Variants in PLCL1 observed in about 807,000 individuals in gnomAD.
PLCL1 encodes the protein phospholipase C like 1 (inactive).
In PLCL1, 41 loss-of-function variants were observed where a neutral mutation model predicts 84.4. That is an observed-to-expected ratio of 0.49 (90% CI 0.38 to 0.63). The LOEUF (loss-of-function observed/expected upper bound fraction) is 0.63. Ranked by LOEUF, PLCL1 falls within the 30% of genes least tolerant of loss-of-function variation. The pLI, the probability that PLCL1 is intolerant of heterozygous loss-of-function variation, is 0.00. For synonymous variants in PLCL1, 490 were observed against 488.3 expected, an observed-to-expected ratio of 1.00 and a Z score of -0.05; for missense variants, 1,206 against 1,367.8, an observed-to-expected ratio of 0.88 and a Z score of 1.87.
At chr2:198,100,139 A>T (rs2105911165) in intron 3 of PLCL1, among the ~76,000 whole-genome samples, 1 of 152,224 alleles carries the variant, frequency 6.6e-6, no homozygotes, top group East Asian at 1.9e-4. Flanking sequence ...GAGAGAAGAA[A>T]TAAGTATCAC....
At chr2:197,858,118 G>C (rs1337271145) in intron 1 of PLCL1, among the ~76,000 whole-genome samples, 1 of 152,106 alleles carries the variant, frequency 6.6e-6, no homozygotes, top group Non-Finnish European at 1.5e-5. Flanking sequence ...TATAAAACTT[G>C]GTGTGGAGTA....
chr2:198,108,650 G>C (rs1426406192), intron 5 of PLCL1, among the ~76,000 whole-genome samples: 1 of 151,884 alleles, frequency 6.6e-6, no homozygotes, highest in African/African-American at 2.4e-5. Context: ...ACAATATAAT[G>C]AATAAGAATT....
intron 3 of PLCL1, among the ~76,000 whole-genome samples, chr2:198,099,324 T>C (rs1693276386): frequency 6.6e-6 from 1 of 152,106 alleles, no homozygotes; most frequent in East Asian, 1.9e-4. Context: ...TTTTTCTCCC[T>C]GACAACTTAG....
At chr2:198,140,937 A>G (rs1368566926) in intron 5 of PLCL1, among the ~76,000 whole-genome samples, 1 of 152,168 alleles carries the variant, frequency 6.6e-6, no homozygotes, top group African/African-American at 2.4e-5. Flanking sequence ...AATTAACTTT[A>G]TATACAGTTA....
At chr2:197,832,052 G>A (rs894424026) in intron 1 of PLCL1, among the ~76,000 whole-genome samples, 8 of 152,032 alleles carry the variant, frequency 5.3e-5, no homozygotes, top group Admixed American at 6.6e-5. Context: ...AGGAGAAAGT[G>A]GGGAAGATCT....
intron 1 of PLCL1, among the ~76,000 whole-genome samples, chr2:197,843,679 C>G (rs1001511754): frequency 6.6e-6 from 1 of 152,164 alleles, no homozygotes; most frequent in Admixed American, 6.5e-5. Context: ...GGCTCTGCTA[C>G]TACTCTGCTT....
chr2:198,014,703 T>C (rs1392285388), intron 1 of PLCL1, among the ~76,000 whole-genome samples: 2 of 152,092 alleles, frequency 1.3e-5, no homozygotes, highest in East Asian at 3.8e-4. Flanking sequence ...TTTCCTGAAG[T>C]GTTCATTTTA....
Position 198,084,616 on chromosome 2 carries a change from C to T in PLCL1, c.1099C>T (p.Arg367Cys), listed in dbSNP as rs368374568. 30 of 1,613,866 alleles carry T rather than the reference C, an allele frequency of 1.9e-5. No homozygotes were observed. Among genetic ancestry groups the T allele is most frequent in the East Asian group, 8.9e-5 (4 of 44,876 alleles). ...IRRYELSEEG[R>C]QKGFLAIDGF... ...GAGATACGAACTTTCTGAAGAGGGA[C>T]GTCAAAAAGGGTTTCTTGCAATTGA... The change falls in exon 2 of 6, where the codon CGT becomes TGT. Residue 367 changes from arginine (R) to cysteine (C), a missense_variant. Transcript: ENST00000428675.
chr2:197,835,001 G>A (rs1691154036), intron 1 of PLCL1, among the ~76,000 whole-genome samples: 1 of 152,194 alleles, frequency 6.6e-6, no homozygotes, highest in Non-Finnish European at 1.5e-5. Context: ...CCTTTGTAGA[G>A]ACATGGATGA....
chr2:197,977,233 C>T (rs545670662), intron 1 of PLCL1, among the ~76,000 whole-genome samples: 3 of 152,248 alleles, frequency 2.0e-5, no homozygotes, highest in South Asian at 2.1e-4. Flanking sequence ...GTTAATTTAG[C>T]GATCCAATAA....
intron 1 of PLCL1, among the ~76,000 whole-genome samples, chr2:197,977,329 A>G (rs1222140410): frequency 1.3e-5 from 2 of 149,908 alleles, no homozygotes; most frequent in African/African-American, 2.5e-5. Flanking sequence ...TTCAGTCTCT[A>G]GCTAGCCACC....
chr2:197,970,570 A>G (rs1689842717), intron 1 of PLCL1, among the ~76,000 whole-genome samples: 2 of 152,240 alleles, frequency 1.3e-5, no homozygotes, highest in Non-Finnish European at 1.5e-5. Flanking sequence ...TATTAGTTAC[A>G]TGTTGAAATA....
chr2:197,805,754 T>A lies in PLCL1; in HGVS notation c.240+415T>A, dbSNP rs700663. ...AAAATGCACAGCTTACTCTCAAGTG[T>A]AAAAAAAGAATCCCTCTAGACTTAA... On this transcript the variant is annotated intron_variant, in intron 1 of 5. Transcript: ENST00000428675. The surrounding 1 kb of genome is among the most constrained non-coding windows in gnomAD (Gnocchi z 4.0). 0.73 allele frequency among the ~76,000 whole-genome samples: 110,750 copies of A among 152,084 alleles called. 41,402 individuals carry two copies. Among genetic ancestry groups the A allele is most frequent in the African/African-American group, 0.9 (37,552 of 41,524 alleles).
intron 1 of PLCL1, among the ~76,000 whole-genome samples, chr2:197,949,731 T>C (rs916560048): frequency 2.6e-5 from 4 of 152,166 alleles, no homozygotes; most frequent in Non-Finnish European, 4.4e-5. Flanking sequence ...AGTGGTAGGA[T>C]GGCTGAAAAC....
chr2:197,819,125 A>C (rs1281300710), intron 1 of PLCL1, among the ~76,000 whole-genome samples: 2 of 151,932 alleles, frequency 1.3e-5, no homozygotes, highest in African/African-American at 2.4e-5. Context: ...GAGAAAACCA[A>C]CCCAGTGGGG....
chr2:197,913,794 G>A (rs968339189), intron 1 of PLCL1, among the ~76,000 whole-genome samples: 1 of 152,070 alleles, frequency 6.6e-6, no homozygotes, highest in Non-Finnish European at 1.5e-5. Flanking sequence ...CACAAACTAT[G>A]GTAGTTTAGG....
intron 5 of PLCL1, among the ~76,000 whole-genome samples, chr2:198,114,062 A>G (rs1693683682): frequency 6.6e-6 from 1 of 151,784 alleles, no homozygotes; most frequent in Admixed American, 6.6e-5. Context: ...ATATGGGTAA[A>G]TTTTTTGAAG....
intron 1 of PLCL1, among the ~76,000 whole-genome samples, chr2:197,849,822 C>T (rs10195223): frequency 0.01 from 1,594 of 152,172 alleles, 22 homozygotes; most frequent in African/African-American, 0.036. Context: ...TAAATCAATA[C>T]AGAAATGTCT....
At chr2:197,933,427 C>A (rs946201556) in intron 1 of PLCL1, among the ~76,000 whole-genome samples, 3 of 151,944 alleles carry the variant, frequency 2.0e-5, no homozygotes, top group Non-Finnish European at 4.4e-5. Flanking sequence ...CGACGCCCAG[C>A]TAATTTTTTG....
Sources: gnomAD v4.1 joint callset for allele counts (sites outside exome capture counted in the v4.1 genomes callset) on GRCh38, gnomAD v4.1.1 for gene constraint, Gnocchi (gnomAD v3.1) non-coding constraint, MANE v1.5 for transcripts, NCBI Gene and HGNC (gene_info 2026-07-23, HGNC 2026-07-21) for gene names.